MAP1B: variants seen among roughly 807,000 people sequenced by gnomAD.
The protein encoded by MAP1B is microtubule-associated protein 1B.
In MAP1B, 12 loss-of-function variants were observed where a neutral mutation model predicts 176.1. The observed-to-expected ratio is 0.07, with a 90% CI of 0.04 to 0.11. The LOEUF is 0.11. Among genes scored for constraint, MAP1B ranks in the 10% least tolerant of loss-of-function variants. The pLI is 1.00. For missense variants in MAP1B, 2,523 were observed against 2,990.5 expected (o/e 0.84, Z 3.65); for synonymous variants, 1,044 against 1,135.0 (o/e 0.92, Z 1.61).
At chr5:72,146,645 C>T (rs972798264) in intron 2 of MAP1B, among the ~76,000 whole-genome samples, 6 of 152,130 alleles carry the variant, frequency 3.9e-5, no homozygotes, top group Admixed American at 2.0e-4. Flanking sequence ...GTCACACAGC[C>T]AGTGAGTAAT....
Position 72,198,136 on chromosome 5 carries a change from T to C in MAP1B, c.4781T>C (p.Val1594Ala), listed in dbSNP as rs775655303. Residue 1594 changes from valine (V) to alanine (A), a missense_variant, in exon 5 of 7, where the codon GTT (valine) becomes GCT (alanine). By Grantham distance (64) the Val-to-Ala change is moderately conservative (BLOSUM62 0). Transcript: ENST00000296755. The stretch of plus-strand genomic sequence containing the variant: ...GTAGATGACTCCCTTTCAGTGTCTG[T>C]TGTGCAAACACCTACCACATTCCAG... ...TEVDDSLSVS[V>A]VQTPTTFQET... 1 of 1,614,206 alleles carries C rather than the reference T, an allele frequency of 6.2e-7. No individual in the cohort carries two copies. The highest frequency in any genetic ancestry group is 8.5e-7 in the Non-Finnish European group (1 of 1,180,024).
rs770929316 is a variant in MAP1B at position 72,197,642 on chromosome 5, T to A, written c.4287T>A (p.Phe1429Leu). ...KASGRGAESP[F>L]EEKSGKQGSP... is the part of the protein sequence containing the mutation. ...CTGGCAGAGGTGCCGAAAGTCCTTT[T>A]GAAGAAAAGAGTGGAAAACAAGGCT... is the stretch of plus-strand genomic sequence containing the variant. The change falls in exon 5 of 7, where the codon TTT becomes TTA. Residue 1429 changes from phenylalanine to leucine, a missense_variant. Transcript: ENST00000296755. 6.2e-7 allele frequency: 1 copy of A among 1,614,174 alleles called. No individual in the cohort carries two copies. Among genetic ancestry groups the A allele is most frequent in the Admixed American group, 1.7e-5 (1 of 60,028 alleles).
intron 5 of MAP1B, among the ~76,000 whole-genome samples, chr5:72,201,175 C>T (rs987669901): frequency 2.0e-5 from 3 of 151,102 alleles, no homozygotes; most frequent in Non-Finnish European, 4.4e-5. Flanking sequence ...CCAGCCTGTG[C>T]AACATAGCAA....
At chr5:72,157,942 C>A (rs1275702917) in intron 2 of MAP1B, among the ~76,000 whole-genome samples, 1 of 151,304 alleles carries the variant, frequency 6.6e-6, no homozygotes, top group African/African-American at 2.4e-5. Flanking sequence ...CGGGTCCAAG[C>A]GATTCTCCTG....
At chr5:72,120,231 T>A (rs1745502735) in intron 2 of MAP1B, among the ~76,000 whole-genome samples, 1 of 152,184 alleles carries the variant, frequency 6.6e-6, no homozygotes, top group African/African-American at 2.4e-5. Context: ...TAAAATAATT[T>A]AAAAATTTTG....
chr5:72,129,815 C>T (rs1034198917), intron 2 of MAP1B, among the ~76,000 whole-genome samples: 5 of 152,110 alleles, frequency 3.3e-5, no homozygotes, highest in Admixed American at 3.3e-4. Flanking sequence ...GAGATCAGTG[C>T]CTGCTTTTTA....
chr5:72,130,795 A>G (rs1415688490), intron 2 of MAP1B, among the ~76,000 whole-genome samples: 1 of 152,192 alleles, frequency 6.6e-6, no homozygotes, highest in African/African-American at 2.4e-5. Flanking sequence ...CTTCAGTTTT[A>G]TTATCTCTAA....
intron 2 of MAP1B, among the ~76,000 whole-genome samples, chr5:72,143,865 T>A (rs1282007036): frequency 6.6e-6 from 1 of 152,196 alleles, no homozygotes; most frequent in African/African-American, 2.4e-5. Flanking sequence ...TTATTTATTT[T>A]TTTTGTAAAG....
In MAP1B at chr5:72,186,766, T is replaced by C. The variant is rs771362742; in HGVS notation, c.510+12T>C. On this transcript the variant is annotated intron_variant, in intron 4 of 6. Transcript: ENST00000296755. The surrounding 1 kb of genome is among the most constrained non-coding windows in gnomAD (Gnocchi z 4.3). ...TCACCGATCAAGAGGTAGGTTCGTG[T>C]CTGAGAATATCTGTGCTTCTAGTGG... 15 of 1,613,658 alleles carry C rather than the reference T, an allele frequency of 9.3e-6. No homozygotes were observed. Among genetic ancestry groups the C allele is most frequent in the Non-Finnish European group, 1.2e-5 (14 of 1,180,008 alleles).
intron 2 of MAP1B, among the ~76,000 whole-genome samples, chr5:72,146,175 C>T (rs536759247): frequency 1.0e-3 from 156 of 152,298 alleles, no homozygotes; most frequent in African/African-American, 3.7e-3. Context: ...TCTTTTAAAT[C>T]AATTTATTCC....
At chr5:72,117,681 A>G (rs1301401837) in intron 2 of MAP1B, among the ~76,000 whole-genome samples, 1 of 152,182 alleles carries the variant, frequency 6.6e-6, no homozygotes, top group African/African-American at 2.4e-5. Context: ...ACCTAGTTGT[A>G]TAGTGTTATG....
rs367614813 is a variant in MAP1B, at chr5:72,197,809, G to T, written c.4454G>T (p.Ser1485Ile). ...EKKTDDVEAM[S>I]SQPALALDER... is the part of the protein sequence containing the mutation. ...AAAACTGATGATGTTGAAGCCATGAGTTCTCAACCAGCACTGGCTCTGGAT... is the reference window on the plus strand; with the variant it reads ...AAAACTGATGATGTTGAAGCCATGATTTCTCAACCAGCACTGGCTCTGGAT... The change falls in exon 5 of 7, where the codon AGT becomes ATT. Residue 1485 changes from serine to isoleucine, a missense_variant. Ser to Ile is a moderately radical substitution (Grantham distance 142). Coordinates refer to ENST00000296755, the MANE Select transcript of MAP1B (RefSeq NM_005909.5). 1 of 1,614,100 alleles carries T rather than the reference G, an allele frequency of 6.2e-7. No homozygotes were observed. Among genetic ancestry groups the T allele is most frequent in the Non-Finnish European group, 8.5e-7 (1 of 1,180,056 alleles).
Position 72,199,092 on chromosome 5 carries a change from A to G in MAP1B, c.5737A>G (p.Thr1913Ala). The G allele has an allele frequency of 1.2e-6, 2 of 1,614,138 alleles. No homozygotes were observed. Among genetic ancestry groups the G allele is most frequent in the East Asian group, 2.2e-5 (1 of 44,888 alleles). ...TTACTATGAGAAGATAGAGAGAACC[A>G]CAAAATCTCCAAGTGACAGTGGCTA... ...GYYYEKIERT[T>A]KSPSDSGYSY... The change falls in exon 5 of 7, where the codon ACA becomes GCA. Residue 1913 changes from threonine (T) to alanine (A), a missense_variant. Coordinates refer to ENST00000296755, the MANE Select transcript of MAP1B (RefSeq NM_005909.5). The surrounding 1 kb of genome is among the most constrained non-coding windows in gnomAD (Gnocchi z 4.2).
At chr5:72,140,659 G>A (rs1745930887) in intron 2 of MAP1B, among the ~76,000 whole-genome samples, 1 of 152,202 alleles carries the variant, frequency 6.6e-6, no homozygotes. Flanking sequence ...GGAGGAACAT[G>A]TTAAAAGAGG....
At chr5:72,187,234 G>C (rs1487189596) in intron 4 of MAP1B, among the ~76,000 whole-genome samples, 5 of 152,194 alleles carry the variant, frequency 3.3e-5, no homozygotes, top group Non-Finnish European at 7.4e-5. Context: ...TACAAAAGGA[G>C]CCACGTAGGA....
intron 4 of MAP1B, among the ~76,000 whole-genome samples, chr5:72,191,485 G>A (rs2112227385): frequency 6.6e-6 from 1 of 152,358 alleles, no homozygotes; most frequent in Middle Eastern, 3.4e-3. Context: ...TACTGTGCTT[G>A]TTGGCCCACA....
chr5:72,131,192 A>G (rs899733361), intron 2 of MAP1B, among the ~76,000 whole-genome samples: 7 of 152,250 alleles, frequency 4.6e-5, no homozygotes, highest in African/African-American at 1.7e-4. Context: ...ATATGGTGCT[A>G]TCTAAATATG....
At chr5:72,159,225 A>C (rs960141406) in intron 2 of MAP1B, among the ~76,000 whole-genome samples, 6 of 152,232 alleles carry the variant, frequency 3.9e-5, no homozygotes, top group African/African-American at 1.4e-4. Context: ...AAGATTGTAA[A>C]AAGGCTGCTT....
chr5:72,107,727 C>G lies in MAP1B; in HGVS notation c.184+12C>G. ...CAACATCGAGCTCGGTAAGTGGCCCCGCGCCCCCAGAGACGCGCGCTGGGA... is the reference window on the plus strand; with the variant it reads ...CAACATCGAGCTCGGTAAGTGGCCCGGCGCCCCCAGAGACGCGCGCTGGGA... On this transcript the variant is annotated intron_variant, in intron 1 of 6. Transcript: ENST00000296755. 6.3e-7 allele frequency: 1 copy of G among 1,597,892 alleles called. No homozygotes were observed.
Sources: gnomAD v4.1 joint callset for allele counts (sites outside exome capture counted in the v4.1 genomes callset) on GRCh38, gnomAD v4.1.1 for gene constraint, Gnocchi (gnomAD v3.1) non-coding constraint, MANE v1.5 for transcripts, NCBI Gene and HGNC (gene_info 2026-07-23, HGNC 2026-07-21) for gene names.